Variants in HDAC9 observed in about 807,000 individuals in gnomAD.
HDAC9 encodes histone deacetylase 9.
In HDAC9, 41 loss-of-function variants were observed where a neutral mutation model predicts 139.4. The observed-to-expected ratio is 0.29, with a 90% CI of 0.23 to 0.38. The LOEUF is 0.38. Ranked by LOEUF, HDAC9 falls within the 10% of genes least tolerant of loss-of-function variation. The probability of loss-of-function intolerance (pLI) is 1.00; values close to 1 mark genes in which losing one functional copy is unlikely to be tolerated. For synonymous variants in HDAC9, 517 were observed against 476.2 expected, an observed-to-expected ratio of 1.09 and a Z score of -1.12; for missense variants, 1,147 against 1,297.0, an observed-to-expected ratio of 0.88 and a Z score of 1.78.
At chr7:18,107,888 A>G (rs1254695571) in intron 1 of HDAC9, among the ~76,000 whole-genome samples, 1 of 152,056 alleles carries the variant, frequency 6.6e-6, no homozygotes, top group Non-Finnish European at 1.5e-5. Flanking sequence ...CCCCTTTTTT[A>G]CCTTTCATTT....
In HDAC9 at chr7:18,835,582, A is replaced by G. The variant is rs950305361; in HGVS notation, c.2582A>G (p.Asn861Ser). 2 of 1,613,708 alleles carry G rather than the reference A, an allele frequency of 1.2e-6. No individual in the cohort carries two copies. The highest frequency in any genetic ancestry group is 1.7e-6 in the Non-Finnish European group (2 of 1,179,670). ...TTTTTCCCTGGCAGTGGAGCCCCAAATGAGGTTCGGTTTATTTCTTTAGAG... is the reference window on the plus strand; with the variant it reads ...TTTTTCCCTGGCAGTGGAGCCCCAAGTGAGGTTCGGTTTATTTCTTTAGAG... ...GNFFPGSGAP[N>S]EVGTGLGEGY... The change falls in exon 20 of 26, where the codon AAT (asparagine) becomes AGT (serine). Residue 861 changes from asparagine to serine, a missense_variant. This residue lies in a region of HDAC9 where 407 missense variants were observed against 521.5 expected (regional missense o/e 0.78). Transcript: ENST00000686413.
intron 1 of HDAC9, among the ~76,000 whole-genome samples, chr7:18,144,932 A>G (rs1361797878): frequency 6.6e-6 from 1 of 152,218 alleles, no homozygotes; most frequent in African/African-American, 2.4e-5. Context: ...TGTTTATTGT[A>G]AAAATGTATT....
chr7:18,479,455 G>A (rs1795372295), intron 1 of HDAC9, among the ~76,000 whole-genome samples: 1 of 152,088 alleles, frequency 6.6e-6, no homozygotes, highest in African/African-American at 2.4e-5. Context: ...CCACATATGT[G>A]GGCCTAATTG....
chr7:18,802,763 T>C (rs941056494), intron 17 of HDAC9, among the ~76,000 whole-genome samples: 3 of 151,656 alleles, frequency 2.0e-5, no homozygotes, highest in African/African-American at 4.8e-5. Flanking sequence ...CTTAAGTAAA[T>C]ATTTTTATCC....
rs1432384363 is a variant in HDAC9 at position 18,411,053 on chromosome 7, TG to T, written c.-41-85208del. Among the ~76,000 whole-genome samples the T allele has an allele frequency of 2.0e-5, 3 of 152,354 alleles. No individual in the cohort carries two copies. In the East Asian group the frequency reaches 5.8e-4, roughly 29 times the overall value. On this transcript the variant is annotated intron_variant, in intron 1 of 3. Coordinates refer to the HDAC9 transcript ENST00000413509. ...CTAAGCTTCTCAGCAAGAAGTCATT[TG>T]TAGCACAGGCTTGTCTGTCAGTGTT...
intron 12 of HDAC9, among the ~76,000 whole-genome samples, chr7:18,672,439 A>C (rs867910428): frequency 3.0e-4 from 45 of 152,146 alleles, no homozygotes; most frequent in South Asian, 4.1e-4. Context: ...GCTTTTAGAT[A>C]TATTTTGTGT....
chr7:18,880,472 A>T (rs542450684), intron 22 of HDAC9, among the ~76,000 whole-genome samples: 19 of 152,202 alleles, frequency 1.2e-4, no homozygotes, highest in Non-Finnish European at 1.2e-4. Flanking sequence ...CTATGCAGCC[A>T]TAAAAAAGAA....
chr7:18,219,705 A>C (rs1448624143), intron 2 of HDAC9, among the ~76,000 whole-genome samples: 1 of 152,200 alleles, frequency 6.6e-6, no homozygotes, highest in Non-Finnish European at 1.5e-5. Context: ...TCTGTGTTGT[A>C]CAAAAAAGAA....
intron 2 of HDAC9, among the ~76,000 whole-genome samples, chr7:18,542,425 C>T (rs1203302764): frequency 6.6e-6 from 1 of 152,188 alleles, no homozygotes; most frequent in Non-Finnish European, 1.5e-5. Flanking sequence ...ACATTTAAAG[C>T]AGTTCCTGGC....
chr7:18,896,826 A>G lies in HDAC9; in HGVS notation c.2803+22230A>G, dbSNP rs187563432. On this transcript the variant is annotated intron_variant, in intron 22 of 25. Coordinates refer to ENST00000686413, the MANE Select transcript of HDAC9 (RefSeq NM_178425.4). Reference sequence around the variant, plus strand: ...TAGCAAGAACATTGTCTCAGACCCAATTCCTTCACACTGCAAATTCCACTG... The same window carrying G: ...TAGCAAGAACATTGTCTCAGACCCAGTTCCTTCACACTGCAAATTCCACTG... 3.1e-3 allele frequency among the ~76,000 whole-genome samples: 472 copies of G among 152,152 alleles called. 1 individual carries two copies. Among genetic ancestry groups the G allele is most frequent in the Non-Finnish European group, 5.0e-3 (343 of 67,946 alleles).
chr7:18,999,924 ACT>A lies in HDAC9; in HGVS notation c.*3865_*3866del, dbSNP rs1463570939. On this transcript the variant is annotated 3_prime_UTR_variant, in exon 26 of 26. Transcript: ENST00000686413. ...AGTGATTCATTCTGAGCTTGAAACG[ACT>A]CTGTCAGTGTTTGACATTGTCATTT... 4 of 151,992 alleles carry A rather than the reference ACT, an allele frequency of 2.6e-5. No individual in the cohort carries two copies. Among genetic ancestry groups the A allele is most frequent in the African/African-American group, 9.7e-5 (4 of 41,376 alleles). 9.4% of individuals were successfully genotyped at this position (151,992 alleles called of 1,614,324 possible).
At chr7:18,408,379 A>C (rs370244557) in intron 1 of HDAC9, among the ~76,000 whole-genome samples, 1 of 152,182 alleles carries the variant, frequency 6.6e-6, no homozygotes, top group Non-Finnish European at 1.5e-5. Context: ...TTGGCCTTTG[A>C]GTATATAGGT....
intron 2 of HDAC9, among the ~76,000 whole-genome samples, chr7:18,277,747 G>A (rs906294193): frequency 6.6e-6 from 1 of 152,086 alleles, no homozygotes; most frequent in Non-Finnish European, 1.5e-5. Flanking sequence ...CATGGTCAAA[G>A]ATTTTATTAA....
chr7:18,784,378 T>A (rs955805469), intron 16 of HDAC9, among the ~76,000 whole-genome samples: 1 of 151,900 alleles, frequency 6.6e-6, no homozygotes, highest in Non-Finnish European at 1.5e-5. Context: ...AAAAGCTAGC[T>A]CAAGAATTTT....
intron 6 of HDAC9, 134 bp from the exon 7 acceptor site, chr7:18,629,216 T>C (rs1781561080): frequency 1.4e-6 from 1 of 714,038 alleles, no homozygotes; most frequent in Non-Finnish European, 2.1e-6. Context: ...CTCATTTATG[T>C]GCTTGGGTTT....
chr7:18,511,186 C>T (rs1801394507), intron 2 of HDAC9, among the ~76,000 whole-genome samples: 1 of 152,090 alleles, frequency 6.6e-6, no homozygotes, highest in Non-Finnish European at 1.5e-5. Flanking sequence ...TATCTGAATA[C>T]CAGCTTAACC....
chr7:18,250,901 T>G (rs1794876295), intron 2 of HDAC9, among the ~76,000 whole-genome samples: 1 of 152,234 alleles, frequency 6.6e-6, no homozygotes, highest in African/African-American at 2.4e-5. Flanking sequence ...TTCATGTTTG[T>G]TGGGCACATG....
chr7:18,265,857 A>G (rs1795960054), intron 2 of HDAC9, among the ~76,000 whole-genome samples: 1 of 152,292 alleles, frequency 6.6e-6, no homozygotes, highest in East Asian at 1.9e-4. Context: ...CCTTCCACAG[A>G]TAATATTGCT....
At chr7:18,924,594 G>C (rs895478820) in intron 22 of HDAC9, among the ~76,000 whole-genome samples, 1 of 152,126 alleles carries the variant, frequency 6.6e-6, no homozygotes, top group Non-Finnish European at 1.5e-5. Flanking sequence ...ATTTTCCTTA[G>C]AAGGCAGCGG....
Sources: gnomAD v4.1 joint callset for allele counts (sites outside exome capture counted in the v4.1 genomes callset) on GRCh38, gnomAD v4.1.1 for gene constraint, gnomAD v4.1.1 regional missense constraint, MANE v1.5 for transcripts, NCBI Gene and HGNC (gene_info 2026-07-23, HGNC 2026-07-21) for gene names.